XRCC4: variants seen among roughly 807,000 people sequenced by gnomAD.
The protein encoded by XRCC4 is DNA repair protein XRCC4.
XRCC4 carries 28 observed loss-of-function variants against 39.1 expected under a neutral mutation model. The ratio of observed to expected loss-of-function variants is 0.72; its 90% CI spans 0.53 to 0.98. The LOEUF (loss-of-function observed/expected upper bound fraction) is 0.98. Ranked by LOEUF, XRCC4 falls within the 50% of genes least tolerant of loss-of-function variation. The pLI, the probability that XRCC4 is intolerant of heterozygous loss-of-function variation, is 0.00. For missense variants in XRCC4, 350 were observed against 376.4 expected (o/e 0.93, Z 0.58); for synonymous variants, 123 against 126.4 (o/e 0.97, Z 0.18).
At chr5:83,358,523 G>C (rs898459494), downstream of XRCC4, among the ~76,000 whole-genome samples, 1 of 152,048 alleles carries the variant, frequency 6.6e-6, no homozygotes. Flanking sequence ...CTAAATGAGA[G>C]TCTCAATGCC....
At chr5:83,363,756 G>C in the XRCC4 span, among the ~76,000 whole-genome samples, 1 of 152,202 alleles carries the variant, frequency 6.6e-6, no homozygotes, top group Non-Finnish European at 1.5e-5. Context: ...GATTTGGAGA[G>C]AATGTTTTTA....
At chr5:83,160,990 G>A (rs1456896896) in intron 3 of XRCC4, among the ~76,000 whole-genome samples, 1 of 152,100 alleles carries the variant, frequency 6.6e-6, no homozygotes, top group African/African-American at 2.4e-5. Flanking sequence ...GCAAATACAA[G>A]CTTATTTAAT....
At position 83,313,081 on chromosome 5, in the gene XRCC4, CTT is replaced by C. The variant is rs34133547; in HGVS notation, c.894-40037_894-40036del. Among the ~76,000 whole-genome samples, 300 of 142,676 alleles carry C rather than the reference CTT, an allele frequency of 2.1e-3. 2 individuals are homozygous for C. Among genetic ancestry groups the C allele is most frequent in the Non-Finnish European group, 3.2e-3 (210 of 65,514 alleles). The allele number at this position is 142,676 out of a possible 152,430, so 93.6% of individuals were successfully genotyped here. ...GTCTCTTTTTTCTTTTCTTTTCTTT[CTT>C]TTTTTTTTTTTTACAATAAAAGTAA... On this transcript the variant is annotated intron_variant, in intron 7 of 7. Transcript: ENST00000396027.
At chr5:83,280,844 A>G (rs573633938) in intron 7 of XRCC4, among the ~76,000 whole-genome samples, 1 of 152,356 alleles carries the variant, frequency 6.6e-6, no homozygotes, top group African/African-American at 2.4e-5. Context: ...AAACTGGCAT[A>G]GAAAGCCAAA....
At chr5:83,197,873 G>A (rs1751019041) in intron 4 of XRCC4, among the ~76,000 whole-genome samples, 1 of 152,076 alleles carries the variant, frequency 6.6e-6, no homozygotes, top group Non-Finnish European at 1.5e-5. Flanking sequence ...TCTCTTTATT[G>A]TATTCCAGAT....
intron 3 of XRCC4, among the ~76,000 whole-genome samples, chr5:83,182,745 G>A (rs1750258932): frequency 6.6e-6 from 1 of 152,128 alleles, no homozygotes; most frequent in Non-Finnish European, 1.5e-5. Context: ...TGGGATCAGT[G>A]CTCTTATAAA....
intron 1 of XRCC4, among the ~76,000 whole-genome samples, chr5:83,097,887 A>G (rs972604913): frequency 6.6e-6 from 1 of 152,232 alleles, no homozygotes; most frequent in African/African-American, 2.4e-5. Flanking sequence ...TGGCCGCTCA[A>G]TGAATATGAA....
At position 83,269,017 on chromosome 5, in the gene XRCC4, A is replaced by G. The variant is rs144763048; in HGVS notation, c.893+10340A>G. 3.3e-5 allele frequency among the ~76,000 whole-genome samples: 5 copies of G among 152,310 alleles called. No individual in the cohort carries two copies. In the East Asian group the frequency reaches 5.8e-4, roughly 18 times the overall value. On this transcript the variant is annotated intron_variant, in intron 7 of 7. Coordinates refer to ENST00000396027, the MANE Select transcript of XRCC4 (RefSeq NM_003401.5). The stretch of plus-strand genomic sequence containing the variant: ...AACAGGAACTGTTGGAGAGCATTTT[A>G]TCTGTTCTCAACTGCTATGTGGGCA...
chr5:83,343,202 C>T (rs1479820839), intron 7 of XRCC4, among the ~76,000 whole-genome samples: 4 of 151,996 alleles, frequency 2.6e-5, no homozygotes, highest in South Asian at 2.1e-4. Flanking sequence ...TCGTCGTCAT[C>T]GGTGATGAGG....
intron 6 of XRCC4, among the ~76,000 whole-genome samples, chr5:83,247,230 A>G (rs970930753): frequency 1.7e-4 from 26 of 152,172 alleles, no homozygotes; most frequent in African/African-American, 6.0e-4. Context: ...CATAAACACT[A>G]TTTAGGTAGC....
intron 3 of XRCC4, among the ~76,000 whole-genome samples, chr5:83,118,743 G>A (rs568506537): frequency 4.9e-4 from 74 of 152,296 alleles, no homozygotes; most frequent in African/African-American, 1.7e-3. Context: ...TTTCATTACT[G>A]TGTAAAAACT....
At chr5:83,327,178 CT>C (rs1349447767) in intron 7 of XRCC4, among the ~76,000 whole-genome samples, 1 of 151,946 alleles carries the variant, frequency 6.6e-6, no homozygotes, top group Non-Finnish European at 1.5e-5. Flanking sequence ...CCTAAGTTTC[CT>C]TATAATTATT....
the XRCC4 span, among the ~76,000 whole-genome samples, chr5:83,371,237 T>C: frequency 6.6e-6 from 1 of 152,196 alleles, no homozygotes; most frequent in Non-Finnish European, 1.5e-5. Flanking sequence ...CAGAAACCTG[T>C]TACTGACTTT....
the XRCC4 span, among the ~76,000 whole-genome samples, chr5:83,368,930 T>C: frequency 6.6e-6 from 1 of 152,114 alleles, no homozygotes; most frequent in Non-Finnish European, 1.5e-5. Context: ...AGAAAACTCA[T>C]ACTGAAAACA....
intron 7 of XRCC4, among the ~76,000 whole-genome samples, chr5:83,285,537 A>G (rs1226594599): frequency 6.6e-6 from 1 of 152,154 alleles, no homozygotes; most frequent in East Asian, 1.9e-4. Flanking sequence ...TGGAATCCCT[A>G]TGTAATTATT....
At chr5:83,282,608 C>T (rs1263401593) in intron 7 of XRCC4, among the ~76,000 whole-genome samples, 1 of 152,030 alleles carries the variant, frequency 6.6e-6, no homozygotes, top group Non-Finnish European at 1.5e-5. Context: ...CTTTGGGAGG[C>T]CAAGGCAGGT....
chr5:83,343,521 T>C (rs1187132195), intron 7 of XRCC4, among the ~76,000 whole-genome samples: 2 of 152,150 alleles, frequency 1.3e-5, no homozygotes, highest in Non-Finnish European at 2.9e-5. Flanking sequence ...TATTTACAGG[T>C]TTGTCAGTCA....
intron 3 of XRCC4, among the ~76,000 whole-genome samples, chr5:83,186,112 C>T (rs138047666): frequency 0.015 from 2,286 of 152,196 alleles, 75 homozygotes; most frequent in African/African-American, 0.052. Flanking sequence ...ATAATCACAA[C>T]TTTTATGAAG....
chr5:83,348,025 C>T (rs758840697), intron 7 of XRCC4, among the ~76,000 whole-genome samples: 1 of 152,194 alleles, frequency 6.6e-6, no homozygotes, highest in Non-Finnish European at 1.5e-5. Flanking sequence ...GTCTCACATC[C>T]AGGGCACAGT....
Sources: allele counts gnomAD v4.1 joint callset (sites outside exome capture counted in the v4.1 genomes callset), GRCh38; gene constraint gnomAD v4.1.1; transcripts MANE v1.5; gene names NCBI Gene and HGNC (gene_info 2026-07-23, HGNC 2026-07-21).